Variants in UBR3 observed in about 807,000 individuals in gnomAD.
UBR3 encodes the protein E3 ubiquitin-protein ligase UBR3.
UBR3 carries 85 observed loss-of-function variants against 243.2 expected under a neutral mutation model. That is an observed-to-expected ratio of 0.35 (90% CI 0.29 to 0.42). The LOEUF (loss-of-function observed/expected upper bound fraction) is 0.42. Ranked by LOEUF, UBR3 falls within the 10% of genes least tolerant of loss-of-function variation. UBR3 has a pLI of 1.00. For synonymous variants in UBR3, 748 were observed against 799.8 expected, an observed-to-expected ratio of 0.94 and a Z score of 1.09; for missense variants, 1,686 against 2,300.8, an observed-to-expected ratio of 0.73 and a Z score of 5.47.
At chr2:169,969,937 C>CTT (rs34413545) in intron 24 of UBR3, among the ~76,000 whole-genome samples, 85 of 89,726 alleles carry the variant, frequency 9.5e-4, no homozygotes, top group Non-Finnish European at 1.1e-3. Context: ...ATGCCTCCAG[C>CTT]TTTTTTTTTT....
Position 169,994,137 on chromosome 2 carries a change from G to GCAT in UBR3, c.3785-185_3785-183dup, listed in dbSNP as rs537754590. On this transcript the variant is annotated intron_variant, in intron 25 of 38. Coordinates refer to ENST00000272793, the MANE Select transcript of UBR3 (RefSeq NM_172070.4). ...TGTTAATTTTTTAAAGTAAATATTG[G>GCAT]CATATGTGAAGCTTTATTTAGCCTG... Among the ~76,000 whole-genome samples, 4 of 152,090 alleles carry GCAT rather than the reference G, an allele frequency of 2.6e-5. No individual in the cohort carries two copies. The South Asian group carries it at 6.2e-4, about 24-fold the overall frequency.
intron 11 of UBR3, among the ~76,000 whole-genome samples, chr2:169,921,730 G>A (rs746699891): frequency 6.6e-6 from 1 of 152,314 alleles, no homozygotes; most frequent in South Asian, 2.1e-4. Flanking sequence ...AGTGGTTCAC[G>A]CCTTTGGTCC....
At chr2:170,007,618 C>T (rs1375932334) in intron 28 of UBR3, among the ~76,000 whole-genome samples, 2 of 152,094 alleles carry the variant, frequency 1.3e-5, no homozygotes, top group African/African-American at 4.8e-5. Context: ...ATTAGCCAGG[C>T]GTGGTGGCGC....
At chr2:169,871,637 A>T (rs987023648) in intron 1 of UBR3, among the ~76,000 whole-genome samples, 1 of 150,216 alleles carries the variant, frequency 6.7e-6, no homozygotes, top group Non-Finnish European at 1.5e-5. Flanking sequence ...AGTCCCAGCT[A>T]CTTGGGAGGC....
intron 1 of UBR3, among the ~76,000 whole-genome samples, chr2:169,838,224 T>G (rs1428625320): frequency 2.6e-5 from 4 of 152,232 alleles, no homozygotes; most frequent in African/African-American, 7.2e-5. Flanking sequence ...ACAGTGAGAT[T>G]AGTGAACTGT....
chr2:169,900,933 A>G (rs1179137523), intron 8 of UBR3, among the ~76,000 whole-genome samples: 1 of 152,140 alleles, frequency 6.6e-6, no homozygotes, highest in African/African-American at 2.4e-5. Flanking sequence ...TTATTAATAC[A>G]ATTTCTTTTA....
intron 22 of UBR3, 143 bp from the exon 23 acceptor site, chr2:169,949,462 A>C: frequency 1.3e-6 from 1 of 773,020 alleles, no homozygotes; most frequent in South Asian, 2.2e-5. Flanking sequence ...TCAAGGGAGA[A>C]ATTTATTTAA....
intron 10 of UBR3, among the ~76,000 whole-genome samples, chr2:169,908,933 C>T (rs1247123530): frequency 2.0e-5 from 3 of 151,436 alleles, no homozygotes; most frequent in African/African-American, 7.3e-5. Flanking sequence ...ACGCCATTCT[C>T]CTGCCTCAGC....
In UBR3 at chr2:170,017,546, G is replaced by GAC. The variant is rs34813217; in HGVS notation, c.4453+2216_4453+2217dup. On this transcript the variant is annotated intron_variant, in intron 30 of 38. Transcript: ENST00000272793. ...GGACACACACACACACACACACACA[G>GAC]ACACACACACACACACACACACACA... 4.9e-3 allele frequency among the ~76,000 whole-genome samples: 621 copies of GAC among 125,782 alleles called. 5 individuals carry two copies. In the East Asian group the frequency reaches 0.056, roughly 11 times the overall value. 82.5% of individuals were successfully genotyped at this position (125,782 alleles called of 152,430 possible). A position where few individuals can be genotyped will look rare whatever the true frequency, so the allele number is the denominator to read the frequency against.
chr2:169,882,506 C>T (rs904048328), intron 5 of UBR3, among the ~76,000 whole-genome samples: 5 of 150,258 alleles, frequency 3.3e-5, no homozygotes, highest in East Asian at 1.9e-4. Flanking sequence ...TTTGGGAGGC[C>T]GAGGCGGGCA....
In UBR3 at chr2:170,055,525, T is replaced by C; in HGVS notation, c.4726T>C (p.Ser1576Pro). 1.2e-6 allele frequency: 2 copies of C among 1,613,838 alleles called. No individual in the cohort carries two copies. The highest frequency in any genetic ancestry group is 1.7e-6 in the Non-Finnish European group (2 of 1,179,784). Residue 1576 changes from serine to proline, a missense_variant, in exon 33 of 39, where the codon TCA becomes CCA. Physicochemically the swap from Ser to Pro is moderately conservative, Grantham distance 74 (BLOSUM62 -1). Transcript: ENST00000272793. The part of the protein sequence containing the change: ...LLYTQALAAL[S>P]VKCSEEDRSA... ...GTACACACAGGCTCTTGCAGCACTC[T>C]CAGTTAAATGCAGCGAAGAAGATAG... is the stretch of plus-strand genomic sequence containing the variant.
At chr2:169,905,738 A>G (rs1374146328) in intron 9 of UBR3, among the ~76,000 whole-genome samples, 1 of 152,220 alleles carries the variant, frequency 6.6e-6, no homozygotes, top group African/African-American at 2.4e-5. Flanking sequence ...GATTCGTAAC[A>G]CGTAAAGCTT....
intron 1 of UBR3, among the ~76,000 whole-genome samples, chr2:169,863,294 A>G (rs1478289556): frequency 6.6e-6 from 1 of 152,146 alleles, no homozygotes; most frequent in Non-Finnish European, 1.5e-5. Context: ...TTGAATTGGC[A>G]TTTACATGAG....
intron 24 of UBR3, chr2:169,964,299 C>A: frequency 2.4e-6 from 1 of 410,754 alleles, no homozygotes; most frequent in Non-Finnish European, 5.0e-6. Flanking sequence ...TTTTAGTTCA[C>A]CCATGTCAGT....
At chr2:169,937,619 T>G (rs1421986805) in intron 19 of UBR3, among the ~76,000 whole-genome samples, 2 of 152,230 alleles carry the variant, frequency 1.3e-5, no homozygotes, top group Admixed American at 6.5e-5. Context: ...CAGGTTTTCC[T>G]CTAGGGTTTT....
At chr2:169,890,565 G>GTGTATATATATATATGTATATATATA (rs2084318329) in intron 5 of UBR3, among the ~76,000 whole-genome samples, 17 of 71,188 alleles carry the variant, frequency 2.4e-4, no homozygotes, top group African/African-American at 8.0e-4. Context: ...ATATATATAT[G>GTGTATATATATATATGTATATATATA]TGTATATATA....
At chr2:170,003,606 A>G (rs1329100341) in intron 27 of UBR3, among the ~76,000 whole-genome samples, 1 of 152,034 alleles carries the variant, frequency 6.6e-6, no homozygotes, top group Non-Finnish European at 1.5e-5. Flanking sequence ...GCAAACAGTT[A>G]CAGTACGCAT....
chr2:169,963,187 A>T (rs2087659073), intron 24 of UBR3, among the ~76,000 whole-genome samples: 1 of 152,078 alleles, frequency 6.6e-6, no homozygotes, highest in Non-Finnish European at 1.5e-5. Flanking sequence ...TTGGGGAAGG[A>T]ATTGGGGTGC....
chr2:169,915,155 G>C (rs1415892315), intron 11 of UBR3, among the ~76,000 whole-genome samples: 2 of 151,974 alleles, frequency 1.3e-5, no homozygotes, highest in African/African-American at 4.8e-5. Context: ...AAAAGGATCT[G>C]GTTCAGAATT....
Sources: allele counts gnomAD v4.1 joint callset (sites outside exome capture counted in the v4.1 genomes callset), GRCh38; gene constraint gnomAD v4.1.1; transcripts MANE v1.5; gene names NCBI Gene and HGNC (gene_info 2026-07-23, HGNC 2026-07-21).